Variants in LRRTM4 observed in about 807,000 individuals in gnomAD.
LRRTM4 encodes leucine-rich repeat transmembrane neuronal protein 4.
LRRTM4 carries 25 observed loss-of-function variants against 47.6 expected under a neutral mutation model. The observed-to-expected ratio is 0.53, with a 90% CI of 0.38 to 0.73. The LOEUF (loss-of-function observed/expected upper bound fraction) is 0.73. Ranked by LOEUF, LRRTM4 falls within the 30% of genes least tolerant of loss-of-function variation. The pLI, the probability that LRRTM4 is intolerant of heterozygous loss-of-function variation, is 0.00. For missense variants in LRRTM4, 638 were observed against 713.4 expected (o/e 0.89, Z 1.20); for synonymous variants, 311 against 269.5 (o/e 1.15, Z -1.51).
chr2:76,774,517 TTAAA>T (rs1229294037), intron 3 of LRRTM4, among the ~76,000 whole-genome samples: 2 of 152,040 alleles, frequency 1.3e-5, no homozygotes, highest in African/African-American at 4.8e-5. Context: ...TTAAGAAAAT[TTAAA>T]AAAGACAAAA....
At chr2:77,469,920 T>C (rs1377462545) in intron 3 of LRRTM4, among the ~76,000 whole-genome samples, 1 of 152,160 alleles carries the variant, frequency 6.6e-6, no homozygotes, top group Non-Finnish European at 1.5e-5. Context: ...ATTAGTTTAA[T>C]ATGGTAGTTA....
chr2:77,201,990 T>G (rs1292019878), intron 3 of LRRTM4, among the ~76,000 whole-genome samples: 2 of 152,026 alleles, frequency 1.3e-5, no homozygotes, highest in Admixed American at 1.3e-4. Flanking sequence ...TGACAAGAGG[T>G]GGTAATGAGT....
chr2:76,798,088 C>T (rs1226452169), intron 3 of LRRTM4, among the ~76,000 whole-genome samples: 2 of 151,342 alleles, frequency 1.3e-5, no homozygotes. Context: ...CTCAGCTCTG[C>T]AGCAAGCAGA....
chr2:77,225,643 A>G (rs1674784036), intron 3 of LRRTM4, among the ~76,000 whole-genome samples: 1 of 152,152 alleles, frequency 6.6e-6, no homozygotes, highest in African/African-American at 2.4e-5. Context: ...TACACAGTTT[A>G]GTTTTACACT....
At chr2:77,372,112 T>C (rs1483186733) in intron 3 of LRRTM4, among the ~76,000 whole-genome samples, 1 of 151,778 alleles carries the variant, frequency 6.6e-6, no homozygotes, top group Non-Finnish European at 1.5e-5. Flanking sequence ...TAAAAAAATA[T>C]GACAATAGGC....
chr2:77,318,108 G>A (rs1031259603), intron 3 of LRRTM4, among the ~76,000 whole-genome samples: 17 of 143,086 alleles, frequency 1.2e-4, no homozygotes, highest in African/African-American at 2.9e-4. Context: ...CCAGGTTCAC[G>A]CCATTCTCCT....
chr2:76,896,689 T>C (rs1673428446), intron 3 of LRRTM4, among the ~76,000 whole-genome samples: 1 of 151,664 alleles, frequency 6.6e-6, no homozygotes, highest in African/African-American at 2.4e-5. Context: ...GTTATCTAAT[T>C]AAATACTTAA....
chr2:76,960,222 C>A (rs1308173032), intron 3 of LRRTM4, among the ~76,000 whole-genome samples: 1 of 151,396 alleles, frequency 6.6e-6, no homozygotes, highest in Non-Finnish European at 1.5e-5. Flanking sequence ...ACAGCTATCT[C>A]GTGGAAAAAA....
At chr2:76,787,459 T>A (rs181903108) in intron 3 of LRRTM4, among the ~76,000 whole-genome samples, 2 of 152,118 alleles carry the variant, frequency 1.3e-5, no homozygotes, top group African/African-American at 4.8e-5. Flanking sequence ...GGTAAGCCCA[T>A]TGTCTACTAA....
intron 3 of LRRTM4, among the ~76,000 whole-genome samples, chr2:76,962,070 T>G (rs2103915155): frequency 6.6e-6 from 1 of 151,324 alleles, no homozygotes; most frequent in Non-Finnish European, 1.5e-5. Context: ...ATCTAAGCCC[T>G]TATAGAGTCT....
In LRRTM4 at chr2:76,793,978, C is replaced by T. The variant is rs117973111; in HGVS notation, c.1552-45062G>A. Among the ~76,000 whole-genome samples the T allele has an allele frequency of 9.2e-5, 14 of 152,288 alleles. No homozygotes were observed. The East Asian group carries it at 1.5e-3, about 17-fold the overall frequency. ...TACTGGTGCAACAATGTCCCACTTACATTTTGGAGAATATTTTTCTGTGTG... is the reference window on the plus strand; with the variant it reads ...TACTGGTGCAACAATGTCCCACTTATATTTTGGAGAATATTTTTCTGTGTG... On this transcript the variant is annotated intron_variant, in intron 3 of 3. Transcript: ENST00000409884.
At chr2:76,975,495 A>G (rs2103952925) in intron 3 of LRRTM4, among the ~76,000 whole-genome samples, 1 of 151,790 alleles carries the variant, frequency 6.6e-6, no homozygotes, top group Non-Finnish European at 1.5e-5. Context: ...AACTGTATAG[A>G]TAATACCACG....
At chr2:77,001,112 G>GAAGC (rs1677410096) in intron 3 of LRRTM4, among the ~76,000 whole-genome samples, 1 of 152,102 alleles carries the variant, frequency 6.6e-6, no homozygotes, top group East Asian at 1.9e-4. Flanking sequence ...CTTGTTTTCT[G>GAAGC]AAGCTTTAGG....
intron 3 of LRRTM4, among the ~76,000 whole-genome samples, chr2:77,288,267 G>A (rs539860230): frequency 7.6e-4 from 115 of 151,248 alleles, no homozygotes; most frequent in African/African-American, 2.5e-3. Context: ...AGATAGGAAA[G>A]AAAGTTAAAA....
chr2:77,301,143 C>G (rs560863708), intron 3 of LRRTM4, among the ~76,000 whole-genome samples: 1 of 151,944 alleles, frequency 6.6e-6, no homozygotes. Context: ...ATTCAATGTA[C>G]TTCAAAATTA....
intron 3 of LRRTM4, among the ~76,000 whole-genome samples, chr2:76,792,941 G>A (rs935138885): frequency 3.3e-5 from 5 of 152,156 alleles, no homozygotes; most frequent in East Asian, 1.9e-4. Context: ...GTTGTTAGGG[G>A]TGGAGGGTGA....
At chr2:76,859,438 T>C (rs1441064518) in intron 3 of LRRTM4, among the ~76,000 whole-genome samples, 1 of 152,164 alleles carries the variant, frequency 6.6e-6, no homozygotes, top group East Asian at 1.9e-4. Context: ...GTTATTTATG[T>C]TAATAGTATT....
chr2:77,403,036 A>G (rs991861966), intron 3 of LRRTM4, among the ~76,000 whole-genome samples: 11 of 151,824 alleles, frequency 7.2e-5, no homozygotes, highest in Non-Finnish European at 1.5e-4. Flanking sequence ...TTCATGTTTT[A>G]TCTCTGTTAA....
intron 3 of LRRTM4, among the ~76,000 whole-genome samples, chr2:76,864,122 A>T (rs1230874288): frequency 6.6e-6 from 1 of 152,230 alleles, no homozygotes; most frequent in Non-Finnish European, 1.5e-5. Flanking sequence ...AGTCTTGGGG[A>T]AAATATGAAA....
Sources: gnomAD v4.1 joint callset for allele counts (sites outside exome capture counted in the v4.1 genomes callset) on GRCh38, gnomAD v4.1.1 for gene constraint, MANE v1.5 for transcripts, NCBI Gene and HGNC (gene_info 2026-07-23, HGNC 2026-07-21) for gene names.